The following PITPNM3 variants were observed in gnomAD, a reference collection of about 807,000 sequenced individuals.
PITPNM3 encodes the protein membrane-associated phosphatidylinositol transfer protein 3.
Under a neutral mutation model 102.0 loss-of-function variants are expected in PITPNM3, and 26 were observed. The ratio of observed to expected loss-of-function variants is 0.25; its 90% CI spans 0.19 to 0.35. The LOEUF (loss-of-function observed/expected upper bound fraction) is 0.35. Among genes scored for constraint, PITPNM3 ranks in the 10% least tolerant of loss-of-function variants. The pLI is 1.00. For synonymous variants in PITPNM3, 578 were observed against 558.6 expected, an observed-to-expected ratio of 1.03 and a Z score of -0.49; for missense variants, 1,083 against 1,346.1, an observed-to-expected ratio of 0.80 and a Z score of 3.06.
chr17:6,536,405 G>C (rs1010713850), intron 2 of PITPNM3, among the ~76,000 whole-genome samples: 2 of 152,208 alleles, frequency 1.3e-5, no homozygotes, highest in African/African-American at 4.8e-5. Flanking sequence ...AAATATTGAA[G>C]CTGTTGTTGT....
intron 3 of PITPNM3, among the ~76,000 whole-genome samples, chr17:6,515,935 C>T (rs561769089): frequency 6.6e-6 from 1 of 152,258 alleles, no homozygotes; most frequent in East Asian, 1.9e-4. Flanking sequence ...AATCCTAGCA[C>T]TTTGAGAGGC....
chr17:6,464,349 T>G, intron 15 of PITPNM3, 31 bp from the exon 16 acceptor site: 1 of 1,610,392 alleles, frequency 6.2e-7, no homozygotes, highest in Non-Finnish European at 8.5e-7. Context: ...AGGGACTCCC[T>G]GAAGGCTGAG....
intron 4 of PITPNM3, among the ~76,000 whole-genome samples, chr17:6,485,973 G>A (rs1467614486): frequency 6.6e-6 from 1 of 152,216 alleles, no homozygotes; most frequent in African/African-American, 2.4e-5. Flanking sequence ...TCACAAAGCT[G>A]AAAATATTTA....
intron 3 of PITPNM3, among the ~76,000 whole-genome samples, chr17:6,508,563 C>T (rs4796505): frequency 4.6e-5 from 7 of 152,102 alleles, no homozygotes; most frequent in South Asian, 4.2e-4. Flanking sequence ...CATGGGACAG[C>T]GAAAGGCTGC....
intron 2 of PITPNM3, among the ~76,000 whole-genome samples, chr17:6,535,758 A>G (rs972652936): frequency 3.3e-5 from 5 of 151,826 alleles, no homozygotes; most frequent in Non-Finnish European, 7.4e-5. Context: ...GTCTCTACTA[A>G]AAATAAAAAA....
rs1914155671 is a variant in PITPNM3 at position 6,457,258 on chromosome 17, G to A, written c.2619+336C>T. Among the ~76,000 whole-genome samples, 1 of 152,186 alleles carries A rather than the reference G, an allele frequency of 6.6e-6. No individual in the cohort carries two copies. The highest frequency in any genetic ancestry group is 1.5e-5 in the Non-Finnish European group (1 of 68,028). On this transcript the variant is annotated intron_variant, in intron 19 of 19. Transcript: ENST00000262483. The surrounding 1 kb of genome is among the most constrained non-coding windows in gnomAD (Gnocchi z 4.7). ...ATTCCGGAAACCCAACCTTGCCCTGGAGTCTGGGTTAGCGGTCCCTCTCCA... is the reference window on the plus strand; with the variant it reads ...ATTCCGGAAACCCAACCTTGCCCTGAAGTCTGGGTTAGCGGTCCCTCTCCA...
At chr17:6,550,748 G>A (rs1458949612) in intron 1 of PITPNM3, among the ~76,000 whole-genome samples, 1 of 152,236 alleles carries the variant, frequency 6.6e-6, no homozygotes, top group Non-Finnish European at 1.5e-5. Context: ...ACACTGTCCA[G>A]CCATGTCCTC....
chr17:6,483,354 C>T (rs1905859587), intron 6 of PITPNM3, among the ~76,000 whole-genome samples, 163 bp downstream of exon 6: 1 of 152,014 alleles, frequency 6.6e-6, no homozygotes, highest in Non-Finnish European at 1.5e-5. Flanking sequence ...GAGGACTCTT[C>T]CCACACCTTC....
At chr17:6,487,313 A>T (rs1281857120) in intron 4 of PITPNM3, among the ~76,000 whole-genome samples, 2 of 152,164 alleles carry the variant, frequency 1.3e-5, no homozygotes, top group African/African-American at 4.8e-5. Context: ...GTGAGGATAG[A>T]TGAGTTCATA....
intron 3 of PITPNM3, among the ~76,000 whole-genome samples, chr17:6,505,485 T>A (rs897446550): frequency 3.3e-5 from 5 of 152,012 alleles, no homozygotes; most frequent in African/African-American, 9.7e-5. Context: ...GACACCGTCA[T>A]AGAGCAGTCC....
intron 6 of PITPNM3, chr17:6,481,159 C>T (rs538701175): frequency 2.6e-5 from 4 of 152,462 alleles, no homozygotes; most frequent in South Asian, 2.1e-4. Context: ...CCAGCATCCC[C>T]GAAGCTGGCA....
At chr17:6,555,070 G>A (rs1310334470) in intron 1 of PITPNM3, among the ~76,000 whole-genome samples, 1 of 152,166 alleles carries the variant, frequency 6.6e-6, no homozygotes, top group African/African-American at 2.4e-5. Context: ...ACCCAGGCAC[G>A]GTGGAGGAAA....
At position 6,471,382 on chromosome 17, in the gene PITPNM3, TGA is replaced by T. The variant is rs769240613; in HGVS notation, c.1430-29_1430-28del. 38 of 1,535,680 alleles carry T rather than the reference TGA, an allele frequency of 2.5e-5. No homozygotes were observed. In the African/African-American group the frequency reaches 4.5e-4, roughly 18 times the overall value. On this transcript the variant is annotated intron_variant, in intron 11 of 19. Transcript: ENST00000262483. The stretch of plus-strand genomic sequence containing the variant: ...TGGAGGGGGAATTTCAAGGTCAGGC[TGA>T]GTCACGTGTCTCCAGCAGAGCTGCC...
intron 2 of PITPNM3, among the ~76,000 whole-genome samples, chr17:6,536,085 G>GAAAAA (rs535769421): frequency 7.5e-6 from 1 of 133,686 alleles, no homozygotes; most frequent in Non-Finnish European, 1.6e-5. Context: ...GAAAAAAAAA[G>GAAAAA]AAAAAAAAAA....
intron 4 of PITPNM3, among the ~76,000 whole-genome samples, chr17:6,488,025 C>T (rs1216449579): frequency 6.6e-6 from 1 of 152,168 alleles, no homozygotes; most frequent in Non-Finnish European, 1.5e-5. Flanking sequence ...ATCTAGCCTG[C>T]CAGATTCAGA....
At chr17:6,467,758 C>T (rs1904860535) in intron 14 of PITPNM3, among the ~76,000 whole-genome samples, 1 of 152,198 alleles carries the variant, frequency 6.6e-6, no homozygotes, top group Admixed American at 6.5e-5. Context: ...CCTATTCATC[C>T]TTCAATACCC....
chr17:6,523,115 G>A (rs1266036881), intron 3 of PITPNM3, among the ~76,000 whole-genome samples: 1 of 152,066 alleles, frequency 6.6e-6, no homozygotes, highest in East Asian at 1.9e-4. Flanking sequence ...TCTGTACTGG[G>A]AGGAAATAGT....
intron 6 of PITPNM3, among the ~76,000 whole-genome samples, chr17:6,482,026 C>CTCTG (rs1567670248): frequency 3.7e-5 from 4 of 108,718 alleles, no homozygotes; most frequent in Non-Finnish European, 7.3e-5. Flanking sequence ...CTCTCTCTCT[C>CTCTG]TCTCTCTCTG....
At chr17:6,525,528 CT>C in intron 2 of PITPNM3, 65 bp from the exon 3 acceptor site, 1 of 1,212,064 alleles carries the variant, frequency 8.3e-7, no homozygotes, top group Non-Finnish European at 1.2e-6. Flanking sequence ...CTATCAGGAG[CT>C]TATGTCTGAG....
Sources: allele counts gnomAD v4.1 joint callset (sites outside exome capture counted in the v4.1 genomes callset), GRCh38; gene constraint gnomAD v4.1.1; non-coding constraint Gnocchi (gnomAD v3.1); transcripts MANE v1.5; gene names NCBI Gene and HGNC (gene_info 2026-07-23, HGNC 2026-07-21).